KANK1: variants seen among roughly 807,000 people sequenced by gnomAD.
KANK1 encodes KN motif and ankyrin repeat domain-containing protein 1.
KANK1 carries 109 observed loss-of-function variants against 106.2 expected under a neutral mutation model. The ratio of observed to expected loss-of-function variants is 1.03; its 90% CI spans 0.88 to 1.20. KANK1 has a LOEUF of 1.20. KANK1 is among the 50% of genes most tolerant of loss of function. The pLI, the probability that KANK1 is intolerant of heterozygous loss-of-function variation, is 0.00. For missense variants in KANK1, 2,399 were observed against 1,710.7 expected (o/e 1.40, Z -7.10); for synonymous variants, 873 against 652.2 (o/e 1.34, Z -5.16).
At chr9:499,122 G>A (rs2058505914) in intron 3 of KANK1, among the ~76,000 whole-genome samples, 1 of 148,518 alleles carries the variant, frequency 6.7e-6, no homozygotes, top group Non-Finnish European at 1.5e-5. Context: ...AGCTTGCAGT[G>A]AGCCGAGATC....
chr9:513,797 C>G (rs2059136130), intron 1 of KANK1, among the ~76,000 whole-genome samples: 2 of 152,120 alleles, frequency 1.3e-5, no homozygotes, highest in African/African-American at 4.8e-5. Context: ...AGGCAGATCA[C>G]TTGAGGTCAG....
At chr9:602,511 G>C (rs1828023077) in intron 1 of KANK1, among the ~76,000 whole-genome samples, 1 of 151,742 alleles carries the variant, frequency 6.6e-6, no homozygotes. Context: ...GCCTGCCTCA[G>C]CCTCCCAAAG....
At chr9:540,668 G>A (rs1444763108) in intron 1 of KANK1, 1 of 152,234 alleles carries the variant, frequency 6.6e-6, no homozygotes, top group South Asian at 2.1e-4. Context: ...TTGTTGAGAG[G>A]TTTGTGATTT....
At chr9:531,406 G>A (rs1587559572) in intron 1 of KANK1, among the ~76,000 whole-genome samples, 1 of 152,188 alleles carries the variant, frequency 6.6e-6, no homozygotes, top group Non-Finnish European at 1.5e-5. Context: ...ACTCCATCCT[G>A]GGTGACAGAG....
intron 3 of KANK1, among the ~76,000 whole-genome samples, chr9:717,963 C>T (rs150484754): frequency 0.012 from 1,837 of 152,160 alleles, 41 homozygotes; most frequent in African/African-American, 0.041. Flanking sequence ...CGTATTTATA[C>T]TCTTAGTTAT....
At chr9:642,641 G>A (rs1588506712) in intron 1 of KANK1, among the ~76,000 whole-genome samples, 1 of 150,846 alleles carries the variant, frequency 6.6e-6, no homozygotes, top group East Asian at 1.9e-4. Flanking sequence ...CCTTTGAGTG[G>A]GAGAAAAATT....
Position 617,774 on chromosome 9 carries a change from C to G in KANK1, c.-83-59116C>G, listed in dbSNP as rs28669698. Among the ~76,000 whole-genome samples, 1,078 of 152,342 alleles carry G rather than the reference C, an allele frequency of 7.1e-3. 25 individuals carry two copies. The highest frequency in any genetic ancestry group is 0.025 in the African/African-American group (1,033 of 41,574). On this transcript the variant is annotated intron_variant, in intron 1 of 11. Coordinates refer to ENST00000382297, the MANE Select transcript of KANK1 (RefSeq NM_015158.5). ...AGTTTGTGACGCGTGCATGTGCACA[C>G]TTCAGATTGCTTCTTCCACTTTCCT...
At position 620,775 on chromosome 9, in the gene KANK1, C is replaced by T. The variant is rs547485288; in HGVS notation, c.-83-56115C>T. On this transcript the variant is annotated intron_variant, in intron 1 of 11. Transcript: ENST00000382297. ...TTTTAAAAACCAATTTTTAAAAAGC[C>T]AACTTTTAAAAATTTAATATTGGAG... Among the ~76,000 whole-genome samples the T allele has an allele frequency of 8.2e-4, 124 of 151,898 alleles. 1 individual carries two copies. Among genetic ancestry groups the T allele is most frequent in the Non-Finnish European group, 2.1e-4 (14 of 67,970 alleles).
chr9:606,838 C>CT (rs1829329535), intron 1 of KANK1, among the ~76,000 whole-genome samples: 1 of 151,542 alleles, frequency 6.6e-6, no homozygotes, highest in African/African-American at 2.4e-5. Context: ...ATGCCAGGTA[C>CT]TGTTCTTACT....
chr9:730,633 C>T (rs1162219174), intron 4 of KANK1: 3 of 286,944 alleles, frequency 1.0e-5, no homozygotes, highest in Admixed American at 5.0e-5. Context: ...GTGGAGGTTG[C>T]AGTGAGCTGA....
intron 3 of KANK1, among the ~76,000 whole-genome samples, chr9:719,608 T>A (rs1022827): frequency 6.6e-6 from 1 of 152,062 alleles, no homozygotes; most frequent in African/African-American, 2.4e-5. Context: ...TATATTTTTT[T>A]AAATTGATTT....
intron 1 of KANK1, among the ~76,000 whole-genome samples, chr9:645,498 A>T (rs1839477903): frequency 2.0e-5 from 3 of 150,112 alleles, no homozygotes; most frequent in African/African-American, 7.5e-5. Flanking sequence ...AAAAGAAGTC[A>T]TATTTTTAAG....
Position 611,636 on chromosome 9 carries a change from A to T in KANK1, c.-83-65254A>T, listed in dbSNP as rs115943728. 7.2e-3 allele frequency among the ~76,000 whole-genome samples: 1,094 copies of T among 152,300 alleles called. 10 individuals carry two copies. The highest frequency in any genetic ancestry group is 0.024 in the African/African-American group (1,000 of 41,564). On this transcript the variant is annotated intron_variant, in intron 1 of 11. Transcript: ENST00000382297. ...TTTGACACTAATTATCTGACTGTCA[A>T]ATGACAGTGTCATTCTATTTTGCAG...
chr9:570,631 T>G (rs1818921201), intron 1 of KANK1, among the ~76,000 whole-genome samples: 1 of 152,236 alleles, frequency 6.6e-6, no homozygotes, highest in African/African-American at 2.4e-5. Context: ...CATTGGAGAC[T>G]TATTCTCCTT....
intron 1 of KANK1, among the ~76,000 whole-genome samples, chr9:633,405 C>T (rs1836282180): frequency 6.6e-6 from 1 of 152,098 alleles, no homozygotes; most frequent in Non-Finnish European, 1.5e-5. Flanking sequence ...TTGCAGTGAG[C>T]CGTGATCGCG....
At chr9:487,294 C>G (rs1325954361) in intron 3 of KANK1, among the ~76,000 whole-genome samples, 1 of 152,176 alleles carries the variant, frequency 6.6e-6, no homozygotes, top group African/African-American at 2.4e-5. Context: ...CTGTTTTTCA[C>G]TTTCAGTACA....
intron 1 of KANK1, among the ~76,000 whole-genome samples, chr9:518,260 G>A (rs2059382087): frequency 1.3e-5 from 2 of 151,800 alleles, no homozygotes; most frequent in South Asian, 2.1e-4. Flanking sequence ...CCAGATAACT[G>A]TGCTTACCTG....
At chr9:652,904 C>T (rs1841238621) in intron 1 of KANK1, among the ~76,000 whole-genome samples, 1 of 152,188 alleles carries the variant, frequency 6.6e-6, no homozygotes. Flanking sequence ...AGTAGCCACC[C>T]TGGGAGCTGA....
chr9:744,744 C>T (rs1836753295), intron 11 of KANK1, 155 bp downstream of exon 11: 3 of 1,516,880 alleles, frequency 2.0e-6, no homozygotes, highest in East Asian at 2.5e-5. Flanking sequence ...TCCGCCTCCA[C>T]CCCGCAAAAA....
Sources: allele counts gnomAD v4.1 joint callset (sites outside exome capture counted in the v4.1 genomes callset), GRCh38; gene constraint gnomAD v4.1.1; transcripts MANE v1.5; gene names NCBI Gene and HGNC (gene_info 2026-07-23, HGNC 2026-07-21).